Variants in RNF185 observed in about 807,000 individuals in gnomAD.
RNF185 encodes the protein ring finger protein 185, also known as E3 ubiquitin-protein ligase RNF185.
In RNF185, 13 loss-of-function variants were observed where a neutral mutation model predicts 24.9. The observed-to-expected ratio is 0.52, with a 90% CI of 0.34 to 0.83. The LOEUF is 0.83. Ranked by LOEUF, RNF185 falls within the 40% of genes least tolerant of loss-of-function variation. The pLI is 0.01. For missense variants in RNF185, 184 were observed against 244.7 expected, an observed-to-expected ratio of 0.75 and a Z score of 1.65; for synonymous variants, 79 against 90.3, an observed-to-expected ratio of 0.88 and a Z score of 0.71.
At chr22:31,165,090 T>C (rs1291117997) in intron 1 of RNF185, among the ~76,000 whole-genome samples, 2 of 151,706 alleles carry the variant, frequency 1.3e-5, no homozygotes, top group East Asian at 3.9e-4. Flanking sequence ...TTGTATTTTT[T>C]TTTTTTTAGT....
intron 2 of RNF185, among the ~76,000 whole-genome samples, chr22:31,190,698 G>A (rs1602838686): frequency 6.6e-6 from 1 of 151,890 alleles, no homozygotes; most frequent in East Asian, 1.9e-4. Flanking sequence ...CCACCTCCCA[G>A]GTTCAAGTGA....
At chr22:31,198,529 G>C (rs2048229704) in intron 5 of RNF185, among the ~76,000 whole-genome samples, 1 of 150,280 alleles carries the variant, frequency 6.7e-6, no homozygotes, top group Admixed American at 6.6e-5. Context: ...CTCCAGAGTA[G>C]CTGGGATTAT....
chr22:31,202,954 A>G (rs187505770), intron 6 of RNF185, among the ~76,000 whole-genome samples: 464 of 152,210 alleles, frequency 3.0e-3, no homozygotes, highest in African/African-American at 0.01. Context: ...TTGAAGGTTT[A>G]TCCTCTGTTC....
At chr22:31,163,353 T>G (rs766168949) in intron 1 of RNF185, among the ~76,000 whole-genome samples, 22 of 150,610 alleles carry the variant, frequency 1.5e-4, no homozygotes, top group Non-Finnish European at 3.0e-4. Flanking sequence ...TTTGAGACAG[T>G]GACTCGCTCT....
intron 4 of RNF185, among the ~76,000 whole-genome samples, chr22:31,195,878 G>A (rs1423325076): frequency 6.6e-6 from 1 of 152,200 alleles, no homozygotes; most frequent in African/African-American, 2.4e-5. Context: ...AGGGAGCAGG[G>A]TTGCTGCATC....
intron 2 of RNF185, among the ~76,000 whole-genome samples, chr22:31,188,503 C>G (rs1432073761): frequency 1.3e-5 from 2 of 152,126 alleles, no homozygotes; most frequent in Non-Finnish European, 2.9e-5. Context: ...GTGAATGTAT[C>G]AAATTATCAC....
rs1290694578 is a variant in RNF185 at position 31,173,428 on chromosome 22, C to CACACAA, written c.-49+13130_-49+13131insAACACA. Among the ~76,000 whole-genome samples the CACACAA allele has an allele frequency of 5.9e-4, 89 of 151,732 alleles. 1 individual carries two copies. The highest frequency in any genetic ancestry group is 2.1e-3 in the African/African-American group (85 of 41,328). ...TCACACACACACAGACACACACACACACACACACACACACGTATGTATATA... is the reference window on the plus strand; with the variant it reads ...TCACACACACACAGACACACACACACACACAAACACACACACACACGTATGTATATA... On this transcript the variant is annotated intron_variant, in intron 1 of 6. Coordinates refer to ENST00000326132, the MANE Select transcript of RNF185 (RefSeq NM_152267.4).
rs1379529406 is a variant in RNF185 at position 31,170,189 on chromosome 22, T to TG, written c.-49+9886_-49+9887insG. Among the ~76,000 whole-genome samples, 408 of 152,164 alleles carry TG rather than the reference T, an allele frequency of 2.7e-3. 1 individual carries two copies. The highest frequency in any genetic ancestry group is 4.5e-3 in the Non-Finnish European group (307 of 67,984). On this transcript the variant is annotated intron_variant, in intron 1 of 6. Transcript: ENST00000326132. ...ACAGTGATGTGGTTTTTTGTTTTTT[T>TG]TTTTTGTTTGTTTGTTTGAGACAGA...
chr22:31,172,843 G>A (rs978364808), intron 1 of RNF185, among the ~76,000 whole-genome samples: 4 of 151,876 alleles, frequency 2.6e-5, no homozygotes, highest in Non-Finnish European at 4.4e-5. Flanking sequence ...TTGCAGGTAA[G>A]GACACTGGCA....
chr22:31,166,392 C>G (rs188261905), intron 1 of RNF185, among the ~76,000 whole-genome samples: 1 of 152,246 alleles, frequency 6.6e-6, no homozygotes, highest in East Asian at 1.9e-4. Flanking sequence ...GTTGCAGTTG[C>G]TATATTTCCT....
chr22:31,180,195 G>C (rs943095036), intron 1 of RNF185, among the ~76,000 whole-genome samples: 2 of 152,168 alleles, frequency 1.3e-5, no homozygotes, highest in Non-Finnish European at 2.9e-5. Flanking sequence ...GGGTGCAGTG[G>C]CTCACACGTG....
intron 1 of RNF185, among the ~76,000 whole-genome samples, chr22:31,169,939 T>C (rs536529005): frequency 6.6e-6 from 1 of 152,318 alleles, no homozygotes; most frequent in Non-Finnish European, 1.5e-5. Context: ...CTCCCGAGTG[T>C]TGGATCCTTG....
At chr22:31,177,815 G>A (rs1251432715) in intron 1 of RNF185, among the ~76,000 whole-genome samples, 1 of 152,202 alleles carries the variant, frequency 6.6e-6, no homozygotes, top group Non-Finnish European at 1.5e-5. Context: ...AATTCTTGGA[G>A]TTAAAGGGAC....
intron 1 of RNF185, among the ~76,000 whole-genome samples, chr22:31,182,421 G>A (rs2048048077): frequency 6.6e-6 from 1 of 152,076 alleles, no homozygotes; most frequent in Non-Finnish European, 1.5e-5. Context: ...TGGAGTAGCT[G>A]GGACCATAGA....
chr22:31,167,238 A>G (rs1003396165), intron 1 of RNF185, among the ~76,000 whole-genome samples: 1 of 151,866 alleles, frequency 6.6e-6, no homozygotes, highest in Non-Finnish European at 1.5e-5. Flanking sequence ...TGTAGTGGCA[A>G]CTCACTGCAG....
rs183493957 is a variant in RNF185 at position 31,166,944 on chromosome 22, C to G, written c.-49+6641C>G. ...GGATTACAGGCGTGAGCCACCACAC[C>G]TGGCCTATAAGCGTTACTTCTGATG... On this transcript the variant is annotated intron_variant, in intron 1 of 6. Transcript: ENST00000326132. Among the ~76,000 whole-genome samples the G allele has an allele frequency of 9.3e-3, 1,414 of 152,332 alleles. 8 individuals carry two copies. Among genetic ancestry groups the G allele is most frequent in the Middle Eastern group, 0.024 (7 of 294 alleles).
intron 3 of RNF185, 97 bp downstream of exon 3, chr22:31,192,799 C>A: frequency 8.7e-7 from 1 of 1,153,458 alleles, no homozygotes; most frequent in South Asian, 1.3e-5. Context: ...GCAATCTGCC[C>A]TGCTTGTGGG....
At chr22:31,191,062 T>G (rs1357565313) in intron 2 of RNF185, among the ~76,000 whole-genome samples, 2 of 152,244 alleles carry the variant, frequency 1.3e-5, no homozygotes, top group African/African-American at 4.8e-5. Flanking sequence ...GTAAGTACAC[T>G]CTGTGATGCT....
At position 31,204,764 on chromosome 22, in the gene RNF185, C is replaced by G. The variant is rs1477331995; in HGVS notation, c.*178C>G. The G allele has an allele frequency of 3.4e-6, 2 of 589,602 alleles. No individual in the cohort carries two copies. The highest frequency in any genetic ancestry group is 3.7e-5 in the African/African-American group (2 of 53,802). The allele number at this position is 589,602 out of a possible 1,614,324, so 36.5% of individuals were successfully genotyped here. A position where few individuals can be genotyped will look rare whatever the true frequency, so the allele number is the denominator to read the frequency against. ...AACTCGAGACCAGTTGGCGATGACC[C>G]CTGAATATCGCCACCGCTGTAAACA... is the stretch of plus-strand genomic sequence containing the variant. On this transcript the variant is annotated 3_prime_UTR_variant, in exon 7 of 7. Coordinates refer to ENST00000326132, the MANE Select transcript of RNF185 (RefSeq NM_152267.4).
Sources: allele counts gnomAD v4.1 joint callset (sites outside exome capture counted in the v4.1 genomes callset), GRCh38; gene constraint gnomAD v4.1.1; transcripts MANE v1.5; gene names NCBI Gene and HGNC (gene_info 2026-07-23, HGNC 2026-07-21).